The following SLC30A7 variants were observed in gnomAD, a reference collection of about 807,000 sequenced individuals.
SLC30A7 encodes the protein zinc transporter 7.
In SLC30A7, 35 loss-of-function variants were observed where a neutral mutation model predicts 46.0. The observed-to-expected ratio is 0.76, with a 90% CI of 0.58 to 1.01. SLC30A7 has a LOEUF of 1.01. SLC30A7 is among the 50% of genes least tolerant of loss of function. The pLI, the probability that SLC30A7 is intolerant of heterozygous loss-of-function variation, is 0.00. For missense variants in SLC30A7, 464 were observed against 451.1 expected, an observed-to-expected ratio of 1.03 and a Z score of -0.26; for synonymous variants, 147 against 157.8, an observed-to-expected ratio of 0.93 and a Z score of 0.51.
intron 8 of SLC30A7, among the ~76,000 whole-genome samples, chr1:100,935,338 A>G (rs1371600184): frequency 6.6e-6 from 1 of 152,242 alleles, no homozygotes; most frequent in Non-Finnish European, 1.5e-5. Flanking sequence ...TATGTTTCTA[A>G]TAGTTACATC....
At position 100,980,916 on chromosome 1, in the gene SLC30A7, A is replaced by T. The variant is rs1489935538; in HGVS notation, c.*6059A>T. The T allele has an allele frequency of 6.6e-6, 1 of 152,086 alleles. No homozygotes were observed. The highest frequency in any genetic ancestry group is 6.6e-5 in the Admixed American group (1 of 15,262). 9.4% of individuals were successfully genotyped at this position (152,086 alleles called of 1,614,324 possible). On this transcript the variant is annotated 3_prime_UTR_variant, in exon 11 of 11. Transcript: ENST00000357650. ...ATTTATCCTAATGTATTGTCATCCA[A>T]AATGAAAGAGGTCTTTCTTGAAGGT...
chr1:100,956,748 C>A (rs1297645252), intron 8 of SLC30A7, among the ~76,000 whole-genome samples: 1 of 152,150 alleles, frequency 6.6e-6, no homozygotes, highest in Non-Finnish European at 1.5e-5. Context: ...TGAGTCAGTG[C>A]CTCTTCTATT....
chr1:100,925,290 T>G (rs1272875243), intron 8 of SLC30A7, among the ~76,000 whole-genome samples: 1 of 152,172 alleles, frequency 6.6e-6, no homozygotes. Context: ...TGGTTTGAGA[T>G]AAAGTTGGAG....
chr1:100,975,066 C>A lies in SLC30A7; in HGVS notation c.*209C>A. 1 of 392,988 alleles carries A rather than the reference C, an allele frequency of 2.5e-6. No individual in the cohort carries two copies. The highest frequency in any genetic ancestry group is 4.5e-6 in the Non-Finnish European group (1 of 221,748). The allele number at this position is 392,988 out of a possible 1,614,324, so 24.3% of individuals were successfully genotyped here. A position where few individuals can be genotyped will look rare whatever the true frequency, so the allele number is the denominator to read the frequency against. ...AGAGGATATCTCCTGGACTTTTGGT[C>A]TTTTCTTTTGTGCTCTTTCCTCCAA... On this transcript the variant is annotated 3_prime_UTR_variant, in exon 11 of 11. Transcript: ENST00000357650.
intron 8 of SLC30A7, among the ~76,000 whole-genome samples, chr1:100,958,071 C>T (rs917073292): frequency 6.6e-6 from 1 of 152,204 alleles, no homozygotes; most frequent in Non-Finnish European, 1.5e-5. Context: ...ATCCTTAAGT[C>T]CATTTGCAGT....
chr1:100,943,966 C>T (rs1654486361), intron 8 of SLC30A7, among the ~76,000 whole-genome samples: 1 of 152,140 alleles, frequency 6.6e-6, no homozygotes, highest in African/African-American at 2.4e-5. Flanking sequence ...AAAAGAAACA[C>T]TGGAAGAATA....
At chr1:100,950,772 T>G (rs1654909384) in intron 8 of SLC30A7, among the ~76,000 whole-genome samples, 1 of 152,200 alleles carries the variant, frequency 6.6e-6, no homozygotes, top group Non-Finnish European at 1.5e-5. Flanking sequence ...GCACTCACTA[T>G]GTTGATGAAA....
intron 7 of SLC30A7, among the ~76,000 whole-genome samples, chr1:100,918,779 T>G (rs1475216678): frequency 6.6e-6 from 1 of 152,190 alleles, no homozygotes; most frequent in African/African-American, 2.4e-5. Context: ...CACTGTAGAG[T>G]ACAGTATCAG....
At chr1:100,941,070 T>G (rs935674920) in intron 8 of SLC30A7, 12 of 321,066 alleles carry the variant, frequency 3.7e-5, no homozygotes, top group African/African-American at 2.4e-4. Flanking sequence ...CACAGCCACC[T>G]TGGTTTCATA....
intron 10 of SLC30A7, among the ~76,000 whole-genome samples, chr1:100,969,893 T>C (rs1224011146): frequency 2.6e-5 from 4 of 152,184 alleles, no homozygotes; most frequent in Admixed American, 2.0e-4. Flanking sequence ...GAAATTTTCA[T>C]GAATTTATTT....
chr1:100,990,631 G>C, the SLC30A7 span: 1 of 1,610,834 alleles, frequency 6.2e-7, no homozygotes, highest in Non-Finnish European at 8.5e-7. Context: ...CTCGGTAACT[G>C]CTATTAAAAA....
At chr1:100,928,630 T>C (rs1653469756) in intron 8 of SLC30A7, among the ~76,000 whole-genome samples, 1 of 152,096 alleles carries the variant, frequency 6.6e-6, no homozygotes. Flanking sequence ...TTTTTGTTTG[T>C]ATTATGCATA....
At chr1:100,942,260 A>G (rs1197949116) in intron 8 of SLC30A7, among the ~76,000 whole-genome samples, 4 of 152,212 alleles carry the variant, frequency 2.6e-5, no homozygotes, top group African/African-American at 7.2e-5. Context: ...GAATTGGGCA[A>G]TGTCTAGCAA....
At chr1:100,947,877 C>CT (rs1384911527) in intron 8 of SLC30A7, among the ~76,000 whole-genome samples, 2 of 152,016 alleles carry the variant, frequency 1.3e-5, no homozygotes, top group Non-Finnish European at 2.9e-5. Context: ...AATCCCTGCT[C>CT]TTTTTTTGCT....
intron 10 of SLC30A7, among the ~76,000 whole-genome samples, chr1:100,974,142 A>C (rs1391161040): frequency 6.6e-6 from 1 of 152,178 alleles, no homozygotes; most frequent in Non-Finnish European, 1.5e-5. Flanking sequence ...CAGTTTTGTT[A>C]CTAGGATATA....
intron 3 of SLC30A7, among the ~76,000 whole-genome samples, chr1:100,908,016 C>T (rs1373115905): frequency 6.6e-6 from 1 of 152,002 alleles, no homozygotes; most frequent in East Asian, 1.9e-4. Flanking sequence ...TCCTCCTCCT[C>T]TTCTCTTAAC....
chr1:100,953,270 G>A (rs1361492590), intron 8 of SLC30A7, among the ~76,000 whole-genome samples: 1 of 152,164 alleles, frequency 6.6e-6, no homozygotes, highest in Admixed American at 6.5e-5. Context: ...GTTTTTTATA[G>A]CAGTATGAAG....
chr1:100,948,678 A>G (rs1221911923), intron 8 of SLC30A7, among the ~76,000 whole-genome samples: 1 of 152,178 alleles, frequency 6.6e-6, no homozygotes, highest in East Asian at 1.9e-4. Context: ...TTTCAGGTAT[A>G]CTAGTCAAAC....
intron 7 of SLC30A7, among the ~76,000 whole-genome samples, chr1:100,920,846 G>C (rs1239878633): frequency 6.6e-6 from 1 of 151,852 alleles, no homozygotes; most frequent in African/African-American, 2.4e-5. Flanking sequence ...ATTGAATAAT[G>C]TTCTATTTTT....
Sources: gnomAD v4.1 joint callset for allele counts (sites outside exome capture counted in the v4.1 genomes callset) on GRCh38, gnomAD v4.1.1 for gene constraint, MANE v1.5 for transcripts, NCBI Gene and HGNC (gene_info 2026-07-23, HGNC 2026-07-21) for gene names.